ZNF493: variants seen among roughly 807,000 people sequenced by gnomAD.
ZNF493 encodes the protein zinc finger protein 493.
In ZNF493, 11 loss-of-function variants were observed where a neutral mutation model predicts 12.2. The observed-to-expected ratio is 0.90, with a 90% CI of 0.57 to 1.50. The LOEUF is 1.50. Ranked by LOEUF, ZNF493 falls within the 40% of genes most tolerant of loss-of-function variation. The probability of loss-of-function intolerance (pLI) is 0.00; values close to 1 mark genes in which losing one functional copy is unlikely to be tolerated. For synonymous variants in ZNF493, 286 were observed against 302.6 expected (o/e 0.95, Z 0.57); for missense variants, 950 against 906.6 (o/e 1.05, Z -0.61).
intron 2 of ZNF493, 121 bp from the exon 3 acceptor site, chr19:21,405,640 A>C: frequency 9.1e-7 from 1 of 1,093,808 alleles, no homozygotes; most frequent in Non-Finnish European, 1.2e-6. Flanking sequence ...TCTGTCATTA[A>C]ATAGTATTTT....
Position 21,405,110 on chromosome 19 carries a change from T to TTG in ZNF493, c.31-11_31-10dup, listed in dbSNP as rs751481423. 1 of 1,570,170 alleles carries TTG rather than the reference T, an allele frequency of 6.4e-7. No individual in the cohort carries two copies. The highest frequency in any genetic ancestry group is 1.1e-5 in the South Asian group (1 of 88,246). ...TAAATGTGTGTGTGTGTGTGTGTGT[T>TTG]TGTGTGTGTTTGTTTCAGGGGCCGT... On this transcript the variant is annotated intron_variant, in intron 1 of 3. Transcript: ENST00000392288.
At position 21,405,819 on chromosome 19, in the gene ZNF493, G is replaced by C. The variant is rs368590827; in HGVS notation, c.216G>C (p.Trp72Cys). The change falls in exon 3 of 4, where the codon TGG (tryptophan) becomes TGC (cysteine). Residue 72 changes from tryptophan (W) to cysteine (C), a missense_variant. By Grantham distance (215) the Trp-to-Cys change is radical. Transcript: ENST00000392288. Reference sequence around the variant, plus strand: ...GTCTGGAGCAAGGAAAAGATCCCTGGAATATGAAGGGACACAGTACGGTAG... The same window carrying C: ...GTCTGGAGCAAGGAAAAGATCCCTGCAATATGAAGGGACACAGTACGGTAG... ...VTCLEQGKDP[W>C]NMKGHSTVVK... is the part of the protein sequence containing the mutation. 141 of 1,547,784 alleles carry C rather than the reference G, an allele frequency of 9.1e-5. No individual in the cohort carries two copies. Among genetic ancestry groups the C allele is most frequent in the Middle Eastern group, 5.3e-4 (3 of 5,690 alleles).
Position 21,425,141 on chromosome 19 carries a change from A to G in ZNF493, c.*157A>G. On this transcript the variant is annotated 3_prime_UTR_variant, in exon 4 of 4. Coordinates refer to ENST00000392288, the MANE Select transcript of ZNF493 (RefSeq NM_001076678.3). ...GTGGCAAAGATTTCTATTGATTCTC[A>G]TACCTTACTAAATATAAGATAATTC... is the stretch of plus-strand genomic sequence containing the variant. 1.1e-6 allele frequency: 1 copy of G among 895,674 alleles called. No individual in the cohort carries two copies. Among genetic ancestry groups the G allele is most frequent in the Admixed American group, 2.1e-5 (1 of 47,674 alleles). 55.5% of individuals were successfully genotyped at this position (895,674 alleles called of 1,614,324 possible). A position where few individuals can be genotyped will look rare whatever the true frequency, so the allele number is the denominator to read the frequency against.
At chr19:21,405,035 C>T (rs906516692) in intron 1 of ZNF493, 94 bp from the exon 2 acceptor site, 2 of 1,516,036 alleles carry the variant, frequency 1.3e-6, no homozygotes, top group African/African-American at 2.8e-5. Flanking sequence ...AACGAATTTT[C>T]TTTACTTTCT....
Position 21,424,874 on chromosome 19 carries a change from A to G in ZNF493, c.2215A>G (p.Lys739Glu). ...ACATAAGCTAATTCATACTGGAGAC[A>G]AACCCTACAAATGTGAAGCATGTGG... ...IKHKLIHTGD[K>E]PYKCEACGKA... The change falls in exon 4 of 4, where the codon AAA (lysine) becomes GAA (glutamate). Residue 739 changes from lysine to glutamate, a missense_variant. Physicochemically the swap from Lys to Glu is moderately conservative, Grantham distance 56. Transcript: ENST00000392288. The G allele has an allele frequency of 1.2e-6, 2 of 1,613,422 alleles. No individual in the cohort carries two copies. Among genetic ancestry groups the G allele is most frequent in the Non-Finnish European group, 1.7e-6 (2 of 1,179,588 alleles).
chr19:21,398,694 T>C (rs1013903547), intron 1 of ZNF493: 4 of 330,724 alleles, frequency 1.2e-5, no homozygotes, highest in African/African-American at 2.3e-5. Context: ...TGTACTCTTA[T>C]TTTGAAACGG....
intron 3 of ZNF493, chr19:21,407,640 T>C: frequency 1.0e-6 from 1 of 975,400 alleles, no homozygotes; most frequent in Non-Finnish European, 1.2e-6. Flanking sequence ...TTTAAGTGTG[T>C]AGAACAATAA....
chr19:21,405,069 A>T, intron 1 of ZNF493, 60 bp from the exon 2 acceptor site: 1 of 1,539,498 alleles, frequency 6.5e-7, no homozygotes, highest in South Asian at 1.3e-5. Context: ...TTCAAATGAT[A>T]AATTTTGCCC....
chr19:21,406,346 G>T (rs1013055214), intron 3 of ZNF493, among the ~76,000 whole-genome samples: 6 of 147,940 alleles, frequency 4.1e-5, no homozygotes, highest in South Asian at 2.1e-4. Context: ...GCATTTTTTT[G>T]TTTTTTTTTT....
intron 1 of ZNF493, among the ~76,000 whole-genome samples, chr19:21,400,973 C>T (rs914608557): frequency 6.6e-6 from 1 of 152,170 alleles, no homozygotes; most frequent in South Asian, 2.1e-4. Flanking sequence ...TTGTTCTGGC[C>T]GAGACTTTGA....
In ZNF493 at chr19:21,423,944, G is replaced by A; in HGVS notation, c.1285G>A (p.Gly429Arg). The A allele has an allele frequency of 6.2e-7, 1 of 1,613,238 alleles. No individual in the cohort carries two copies. Among genetic ancestry groups the A allele is most frequent in the South Asian group, 1.1e-5 (1 of 91,044 alleles). ...TACTACACATAAAAGAATTCATACT[G>A]GAGAGAAACCCTACAAATGTGAAGA... Reference protein sequence around the residue: ...HLTTHKRIHTGEKPYKCEECG... With the variant: ...HLTTHKRIHTREKPYKCEECG... Residue 429 changes from glycine to arginine, a missense_variant, in exon 4 of 4, where the codon GGA (glycine) becomes AGA (arginine). Physicochemically the swap from Gly to Arg is moderately radical, Grantham distance 125. Transcript: ENST00000392288.
rs1453366858 is a variant in ZNF493 at position 21,422,919 on chromosome 19, G to T, written c.260G>T (p.Cys87Phe). ...ATATTTTTATTTCTTTCAGTTATAT[G>T]TTCTCATTTTGCTGAAGACTTTTGC... ...HSTVVKPPVICSHFAEDFCPG... is the reference protein window; with the variant it reads ...HSTVVKPPVIFSHFAEDFCPG... The change falls in exon 4 of 4, where the codon TGT becomes TTT. Residue 87 changes from cysteine (C) to phenylalanine (F), a missense_variant. Cys to Phe is a radical substitution (Grantham distance 205, BLOSUM62 -2). Coordinates refer to ENST00000392288, the MANE Select transcript of ZNF493 (RefSeq NM_001076678.3). 1.3e-6 allele frequency: 2 copies of T among 1,550,392 alleles called. No homozygotes were observed. Among genetic ancestry groups the T allele is most frequent in the African/African-American group, 2.8e-5 (2 of 72,220 alleles).
intron 3 of ZNF493, chr19:21,408,197 C>T: frequency 1.1e-6 from 1 of 917,942 alleles, no homozygotes; most frequent in South Asian, 5.1e-5. Flanking sequence ...GTGATCTCAG[C>T]TCATCAAAAC....
intron 3 of ZNF493, 50 bp downstream of exon 3, chr19:21,405,906 T>TA (rs1568378005): frequency 3.4e-5 from 11 of 320,812 alleles, no homozygotes; most frequent in South Asian, 1.0e-4. Context: ...GTTGAAAGAT[T>TA]TAAAAAAAAA....
At chr19:21,422,854 T>C (rs974342724) in intron 3 of ZNF493, 59 bp from the exon 4 acceptor site, 8 of 1,396,836 alleles carry the variant, frequency 5.7e-6, no homozygotes, top group Non-Finnish European at 4.8e-6. Flanking sequence ...TTTAGATTTG[T>C]AATCTATATT....
At chr19:21,417,575 C>A (rs1179404954) in intron 3 of ZNF493, among the ~76,000 whole-genome samples, 1 of 152,144 alleles carries the variant, frequency 6.6e-6, no homozygotes, top group Admixed American at 6.6e-5. Flanking sequence ...TGTTTTATAG[C>A]ACTAAAGGAA....
At position 21,424,969 on chromosome 19, in the gene ZNF493, G is replaced by C. The variant is rs754145221; in HGVS notation, c.2310G>C (p.Glu770Asp). ...KIIHIGIHTE[E>D]TVQK ...TTCATATTGGAATTCATACTGAAGA[G>C]ACTGTACAAAAGTGAAGAATGTGGC... Residue 770 changes from glutamate to aspartate, a missense_variant, in exon 4 of 4, where the codon GAG becomes GAC. By Grantham distance (45) the Glu-to-Asp change is conservative. Coordinates refer to ENST00000392288, the MANE Select transcript of ZNF493 (RefSeq NM_001076678.3). 3.8e-6 allele frequency: 6 copies of C among 1,591,108 alleles called. No individual in the cohort carries two copies. Among genetic ancestry groups the C allele is most frequent in the Non-Finnish European group, 5.1e-6 (6 of 1,169,816 alleles).
chr19:21,414,695 A>G (rs1036847070), intron 3 of ZNF493: 2 of 152,222 alleles, frequency 1.3e-5, no homozygotes, highest in African/African-American at 4.8e-5. Context: ...AAAGCAGTCA[A>G]TACCTCAATT....
At position 21,426,008 on chromosome 19, in the gene ZNF493, G is replaced by A. The variant is rs113478894; in HGVS notation, c.*1024G>A. On this transcript the variant is annotated 3_prime_UTR_variant, in exon 4 of 4. Coordinates refer to ENST00000392288, the MANE Select transcript of ZNF493 (RefSeq NM_001076678.3). ...TAAACATAAGAAAATTCATACTGGA[G>A]AGAAACCCTATGATTGTGAAAAATA... 1.7e-6 allele frequency: 1 copy of A among 579,710 alleles called. No homozygotes were observed. 35.9% of individuals were successfully genotyped at this position (579,710 alleles called of 1,614,324 possible). A position where few individuals can be genotyped will look rare whatever the true frequency, so the allele number is the denominator to read the frequency against.
Sources: allele counts gnomAD v4.1 joint callset (sites outside exome capture counted in the v4.1 genomes callset), GRCh38; gene constraint gnomAD v4.1.1; transcripts MANE v1.5; gene names NCBI Gene and HGNC (gene_info 2026-07-23, HGNC 2026-07-21).